NDUFAF6: variants seen among roughly 807,000 people sequenced by gnomAD.
NDUFAF6 encodes NADH dehydrogenase (ubiquinone) complex I, assembly factor 6.
In NDUFAF6, 45 loss-of-function variants were observed where a neutral mutation model predicts 40.8. The observed-to-expected ratio is 1.10, with a 90% CI of 0.87 to 1.42. The LOEUF is 1.42. Among genes scored for constraint, NDUFAF6 ranks in the 40% most tolerant of loss-of-function variants. The probability of loss-of-function intolerance (pLI) is 0.00; values close to 1 mark genes in which losing one functional copy is unlikely to be tolerated. For missense variants in NDUFAF6, 435 were observed against 418.5 expected (o/e 1.04, Z -0.34); for synonymous variants, 185 against 155.9 (o/e 1.19, Z -1.39).
intron 8 of NDUFAF6, among the ~76,000 whole-genome samples, chr8:95,057,302 G>C (rs575983254): frequency 6.6e-6 from 1 of 152,298 alleles, no homozygotes; most frequent in African/African-American, 2.4e-5. Context: ...AGTTTTTTGT[G>C]GTGGGGAAAG....
intron 1 of NDUFAF6, among the ~76,000 whole-genome samples, chr8:94,923,681 C>CTT (rs34801186): frequency 5.7e-5 from 8 of 139,898 alleles, no homozygotes; most frequent in East Asian, 2.1e-4. Flanking sequence ...CTGAATTTTA[C>CTT]TTTTTTTTTT....
intron 1 of NDUFAF6, among the ~76,000 whole-genome samples, chr8:94,964,501 G>A (rs955065893): frequency 6.6e-5 from 10 of 151,530 alleles, no homozygotes; most frequent in African/African-American, 2.2e-4. Context: ...TATATGGCTC[G>A]CAGTTCTGCA....
rs1167823832 is a variant in NDUFAF6 at position 95,047,138 on chromosome 8, A to C, written c.714+11A>C. The C allele has an allele frequency of 6.2e-7, 1 of 1,614,086 alleles. No homozygotes were observed. Among genetic ancestry groups the C allele is most frequent in the Non-Finnish European group, 8.5e-7 (1 of 1,179,972 alleles). ...GATATTTGTATGCTGGTAAGGCTGT[A>C]ATTTGTACCTTTGAATAATTTACCT... On this transcript the variant is annotated intron_variant, in intron 6 of 8. Coordinates refer to ENST00000396124, the MANE Select transcript of NDUFAF6 (RefSeq NM_152416.4).
At chr8:95,066,002 G>T (rs1832693688) in intron 9 of NDUFAF6, among the ~76,000 whole-genome samples, 1 of 152,176 alleles carries the variant, frequency 6.6e-6, no homozygotes, top group African/African-American at 2.4e-5. Flanking sequence ...TTGAAGCAAG[G>T]TGTGAAGTAT....
At chr8:95,083,871 T>G (rs1024382434) in intron 2 of NDUFAF6, among the ~76,000 whole-genome samples, 1 of 152,132 alleles carries the variant, frequency 6.6e-6, no homozygotes, top group African/African-American at 2.4e-5. Flanking sequence ...CATTCATAAA[T>G]AAAGAAAATG....
chr8:95,062,296 A>G (rs900767946), downstream of NDUFAF6, among the ~76,000 whole-genome samples: 1 of 152,194 alleles, frequency 6.6e-6, no homozygotes, highest in African/African-American at 2.4e-5. Context: ...AGGCAAAATC[A>G]TATCAACCTC....
intron 2 of NDUFAF6, chr8:94,988,572 A>G (rs1481109943): frequency 6.6e-6 from 1 of 152,178 alleles, no homozygotes; most frequent in African/African-American, 2.4e-5. Flanking sequence ...CCAAGAAAGC[A>G]GCTTAGTCTG....
chr8:95,077,488 G>A (rs910792346), downstream of NDUFAF6, among the ~76,000 whole-genome samples: 2 of 152,184 alleles, frequency 1.3e-5, no homozygotes, highest in Non-Finnish European at 2.9e-5. Flanking sequence ...TGGAGATGCT[G>A]GACGAAAGGA....
exon 2 of NDUFAF6, chr8:94,980,887 G>C (rs1825390907): frequency 2.2e-6 from 1 of 455,730 alleles, no homozygotes; most frequent in Non-Finnish European, 4.4e-6. Flanking sequence ...TGAAGTGTCT[G>C]GAGCTCCACC....
intron 1 of NDUFAF6, among the ~76,000 whole-genome samples, chr8:94,913,221 G>C (rs1818904758): frequency 6.6e-6 from 1 of 152,186 alleles, no homozygotes; most frequent in Non-Finnish European, 1.5e-5. Context: ...GGGGACATCT[G>C]ATGCCAGCAG....
At chr8:94,939,713 G>T in intron 1 of NDUFAF6, 1 of 1,162,466 alleles carries the variant, frequency 8.6e-7, no homozygotes, top group South Asian at 1.4e-5. Flanking sequence ...GTTATCTTAC[G>T]GACCATCTTG....
intron 2 of NDUFAF6, among the ~76,000 whole-genome samples, chr8:94,948,775 T>G (rs1822251963): frequency 1.4e-5 from 2 of 146,904 alleles, no homozygotes; most frequent in Admixed American, 6.7e-5. Context: ...TGGAGGGGAG[T>G]GAGGAGGGGT....
intron 2 of NDUFAF6, among the ~76,000 whole-genome samples, chr8:94,994,943 A>G (rs933587189): frequency 2.6e-5 from 4 of 152,204 alleles, no homozygotes; most frequent in Admixed American, 1.3e-4. Flanking sequence ...CAAAAAAATT[A>G]AAAAGTAGTA....
intron 3 of NDUFAF6, chr8:95,036,533 C>G: frequency 1.6e-6 from 2 of 1,270,762 alleles, no homozygotes; most frequent in South Asian, 1.3e-5. Context: ...GTTCATCCCA[C>G]TTCAAGAAGC....
At chr8:95,087,222 C>G (rs1239045872) in intron 2 of NDUFAF6, among the ~76,000 whole-genome samples, 1 of 152,176 alleles carries the variant, frequency 6.6e-6, no homozygotes, top group East Asian at 1.9e-4. Flanking sequence ...GCAAATACAA[C>G]TTTTCATACT....
chr8:95,054,620 AGGAGG>A (rs968856468), intron 8 of NDUFAF6, among the ~76,000 whole-genome samples: 3 of 151,934 alleles, frequency 2.0e-5, no homozygotes, highest in African/African-American at 7.3e-5. Context: ...TTTTTAGTAG[AGGAGG>A]GGTTTCCCCA....
At chr8:95,064,839 A>T (rs563649902) in intron 9 of NDUFAF6, among the ~76,000 whole-genome samples, 16 of 152,148 alleles carry the variant, frequency 1.1e-4, no homozygotes, top group Non-Finnish European at 1.5e-5. Context: ...GCCAAGAAGA[A>T]TCTAAACGGA....
Position 95,036,488 on chromosome 8 carries a change from G to A in NDUFAF6, c.420+912G>A. Reference sequence around the variant, plus strand: ...GGGGATTGAGAAGAAAAAGTGGATGGGAAGCTGTGAGTATTAGATTAGTTC... The same window carrying A: ...GGGGATTGAGAAGAAAAAGTGGATGAGAAGCTGTGAGTATTAGATTAGTTC... On this transcript the variant is annotated intron_variant, in intron 3 of 8. Coordinates refer to ENST00000396124, the MANE Select transcript of NDUFAF6 (RefSeq NM_152416.4). 5 of 1,289,310 alleles carry A rather than the reference G, an allele frequency of 3.9e-6. No homozygotes were observed. In the South Asian group the frequency reaches 6.2e-5, roughly 16 times the overall value. The allele number at this position is 1,289,310 out of a possible 1,614,324, so 79.9% of individuals were successfully genotyped here.
At chr8:95,038,298 T>C (rs537782289) in intron 3 of NDUFAF6, among the ~76,000 whole-genome samples, 19 of 152,346 alleles carry the variant, frequency 1.2e-4, no homozygotes, top group Admixed American at 3.9e-4. Flanking sequence ...TCATAATTTT[T>C]TTGTGACAAA....
Sources: allele counts gnomAD v4.1 joint callset (sites outside exome capture counted in the v4.1 genomes callset), GRCh38; gene constraint gnomAD v4.1.1; transcripts MANE v1.5; gene names NCBI Gene and HGNC (gene_info 2026-07-23, HGNC 2026-07-21).